Variants in GRID2 observed in about 807,000 individuals in gnomAD.
GRID2 encodes the protein glutamate receptor ionotropic, delta-2.
GRID2 carries 33 observed loss-of-function variants against 114.8 expected under a neutral mutation model. That is an observed-to-expected ratio of 0.29 (90% CI 0.22 to 0.38). The LOEUF is 0.38. Ranked by LOEUF, GRID2 falls within the 10% of genes least tolerant of loss-of-function variation. The pLI is 1.00. For synonymous variants in GRID2, 505 were observed against 449.9 expected, an observed-to-expected ratio of 1.12 and a Z score of -1.55; for missense variants, 1,184 against 1,257.7, an observed-to-expected ratio of 0.94 and a Z score of 0.89.
intron 2 of GRID2, among the ~76,000 whole-genome samples, chr4:92,600,484 T>C (rs1036116265): frequency 6.6e-6 from 1 of 152,186 alleles, no homozygotes; most frequent in Non-Finnish European, 1.5e-5. Context: ...TAGAATTGTG[T>C]TGCACAGTTC....
chr4:92,669,003 C>A (rs938905032), intron 2 of GRID2, among the ~76,000 whole-genome samples: 1 of 151,764 alleles, frequency 6.6e-6, no homozygotes, highest in African/African-American at 2.4e-5. Context: ...TTAAAAATTT[C>A]TTTCATGACT....
intron 14 of GRID2, among the ~76,000 whole-genome samples, chr4:93,732,774 C>T (rs1730598677): frequency 6.6e-6 from 1 of 152,062 alleles, no homozygotes; most frequent in Non-Finnish European, 1.5e-5. Context: ...GGTCACATTA[C>T]AAAAATGCTT....
intron 13 of GRID2, among the ~76,000 whole-genome samples, chr4:93,518,111 G>C (rs1463925967): frequency 6.7e-6 from 1 of 149,224 alleles, no homozygotes; most frequent in African/African-American, 2.5e-5. Flanking sequence ...TATATATATA[G>C]TAACTGCCTT....
chr4:92,711,750 A>G (rs1194034470), intron 2 of GRID2, among the ~76,000 whole-genome samples: 1 of 152,092 alleles, frequency 6.6e-6, no homozygotes, highest in Non-Finnish European at 1.5e-5. Context: ...AAAAAATACA[A>G]AAATTAGCCA....
intron 14 of GRID2, among the ~76,000 whole-genome samples, chr4:93,629,672 G>A (rs1188548276): frequency 1.3e-5 from 2 of 152,046 alleles, no homozygotes; most frequent in Non-Finnish European, 2.9e-5. Context: ...TGAAAATATA[G>A]TATACTAGGT....
intron 2 of GRID2, among the ~76,000 whole-genome samples, chr4:92,900,407 C>G (rs549440034): frequency 6.6e-6 from 1 of 152,300 alleles, no homozygotes; most frequent in East Asian, 1.9e-4. Context: ...ATCTCCTACC[C>G]TCCTCTCACC....
chr4:93,181,468 C>A (rs537620471), intron 4 of GRID2, among the ~76,000 whole-genome samples: 3 of 152,140 alleles, frequency 2.0e-5, no homozygotes, highest in Non-Finnish European at 4.4e-5. Flanking sequence ...TATATTAACC[C>A]TAACAGGATG....
chr4:93,401,465 T>A (rs1579960903), intron 9 of GRID2, among the ~76,000 whole-genome samples: 1 of 152,266 alleles, frequency 6.6e-6, no homozygotes, highest in African/African-American at 2.4e-5. Flanking sequence ...CATCTTACAA[T>A]AGGAAACATT....
At chr4:93,754,552 GAAAC>G (rs1247381381) in intron 14 of GRID2, among the ~76,000 whole-genome samples, 1 of 152,012 alleles carries the variant, frequency 6.6e-6, no homozygotes, top group Non-Finnish European at 1.5e-5. Context: ...TTCTCATCTA[GAAAC>G]AAATAGACAG....
intron 14 of GRID2, among the ~76,000 whole-genome samples, chr4:93,679,731 A>T (rs1017522138): frequency 6.6e-5 from 10 of 151,118 alleles, no homozygotes; most frequent in African/African-American, 2.5e-4. Flanking sequence ...GAAACCAACG[A>T]GAACAAAGAC....
At chr4:93,407,778 ATCCTCCTCGTCC>A (rs1162760873) in intron 9 of GRID2, among the ~76,000 whole-genome samples, 20,481 of 57,890 alleles carry the variant, frequency 0.35, 2,887 homozygotes, top group African/African-American at 0.54. Flanking sequence ...CCTCCTCCTC[ATCCTCCTCGTCC>A]TCCTCCTCGT....
intron 8 of GRID2, among the ~76,000 whole-genome samples, chr4:93,302,917 T>C (rs926306100): frequency 1.3e-5 from 2 of 152,218 alleles, no homozygotes; most frequent in African/African-American, 4.8e-5. Flanking sequence ...ATTTCTCACA[T>C]TGCTGTATAA....
chr4:93,086,268 C>T (rs1016419803), intron 3 of GRID2, among the ~76,000 whole-genome samples: 1 of 152,176 alleles, frequency 6.6e-6, no homozygotes, highest in African/African-American at 2.4e-5. Flanking sequence ...GGATTTCACT[C>T]TCTGTAGCAT....
At chr4:92,495,831 G>A (rs1254082413) in intron 1 of GRID2, among the ~76,000 whole-genome samples, 2 of 151,848 alleles carry the variant, frequency 1.3e-5, no homozygotes, top group Non-Finnish European at 2.9e-5. Flanking sequence ...TGGAGAGGAA[G>A]GAACATCAGA....
At chr4:92,744,093 T>C (rs187155155) in intron 2 of GRID2, among the ~76,000 whole-genome samples, 21 of 152,284 alleles carry the variant, frequency 1.4e-4, no homozygotes, top group South Asian at 2.1e-4. Context: ...GGAAATGTGA[T>C]TATCAATGGT....
At chr4:92,616,489 T>G (rs1730010107) in intron 2 of GRID2, among the ~76,000 whole-genome samples, 1 of 151,614 alleles carries the variant, frequency 6.6e-6, no homozygotes, top group South Asian at 2.1e-4. Context: ...CTAGATTCAT[T>G]GAACTTATTG....
intron 8 of GRID2, among the ~76,000 whole-genome samples, chr4:93,393,943 G>A (rs562226725): frequency 6.6e-6 from 1 of 151,952 alleles, no homozygotes; most frequent in Admixed American, 6.6e-5. Flanking sequence ...AAAGCTATTC[G>A]TTAAGCTTAA....
intron 8 of GRID2, among the ~76,000 whole-genome samples, chr4:93,248,143 T>G (rs1018548536): frequency 1.4e-4 from 22 of 152,134 alleles, no homozygotes; most frequent in African/African-American, 5.3e-4. Context: ...AACAATATGA[T>G]GTGGTGGTAC....
chr4:93,434,469 T>A (rs1049458078), intron 10 of GRID2, among the ~76,000 whole-genome samples: 1 of 151,924 alleles, frequency 6.6e-6, no homozygotes. Flanking sequence ...TAAAAAAAAT[T>A]TAAAAAAGAC....
Sources: gnomAD v4.1 joint callset for allele counts (sites outside exome capture counted in the v4.1 genomes callset) on GRCh38, gnomAD v4.1.1 for gene constraint, MANE v1.5 for transcripts, NCBI Gene and HGNC (gene_info 2026-07-23, HGNC 2026-07-21) for gene names.